The following PSAT1 variants were observed in gnomAD, a reference collection of about 807,000 sequenced individuals.
PSAT1 encodes the protein phosphoserine aminotransferase.
PSAT1 carries 41 observed loss-of-function variants against 40.3 expected under a neutral mutation model. The ratio of observed to expected loss-of-function variants is 1.02; its 90% CI spans 0.79 to 1.32. The LOEUF (loss-of-function observed/expected upper bound fraction) is 1.32, where lower values mean the gene tolerates loss of function less well. Ranked by LOEUF, PSAT1 falls within the 40% of genes most tolerant of loss-of-function variation. PSAT1 has a pLI of 0.00. For missense variants in PSAT1, 406 were observed against 455.8 expected, an observed-to-expected ratio of 0.89 and a Z score of 0.99; for synonymous variants, 147 against 170.5, an observed-to-expected ratio of 0.86 and a Z score of 1.07.
In PSAT1 at chr9:78,328,973, C is replaced by A; in HGVS notation, c.1008-8C>A. ...TGTTCTCAATGCCTGGATCTTTGGT[C>A]ATTCTAGGTCTGTGGGAGGCATCCG... On this transcript the variant is annotated splice_polypyrimidine_tract_variant and splice_region_variant and intron_variant, in intron 8 of 8. Coordinates refer to ENST00000376588, the MANE Select transcript of PSAT1 (RefSeq NM_058179.4). 1.2e-6 allele frequency: 2 copies of A among 1,608,098 alleles called. No individual in the cohort carries two copies. Among genetic ancestry groups the A allele is most frequent in the South Asian group, 1.1e-5 (1 of 90,902 alleles).
chr9:78,298,332 T>C (rs1828057765), intron 1 of PSAT1: 71 of 984,688 alleles, frequency 7.2e-5, no homozygotes, highest in Non-Finnish European at 8.3e-5. Context: ...TAGCCAAGTA[T>C]TTTACAATTA....
At chr9:78,311,358 C>T (rs1028736566) in intron 6 of PSAT1, among the ~76,000 whole-genome samples, 2 of 152,016 alleles carry the variant, frequency 1.3e-5, no homozygotes, top group African/African-American at 4.8e-5. Flanking sequence ...TCAGAGGAGC[C>T]CAAGACCATC....
intron 3 of PSAT1, among the ~76,000 whole-genome samples, chr9:78,302,315 G>A (rs1043223206): frequency 2.0e-5 from 3 of 152,162 alleles, no homozygotes; most frequent in Admixed American, 2.0e-4. Context: ...TGAAAGAGAT[G>A]TAAATGACAC....
chr9:78,317,545 T>C, intron 6 of PSAT1, 131 bp from the exon 7 acceptor site: 2 of 1,148,824 alleles, frequency 1.7e-6, no homozygotes, highest in Non-Finnish European at 2.6e-6. Context: ...GCCACTGCAT[T>C]TGACTATCTT....
At chr9:78,308,605 G>A in intron 6 of PSAT1, 22 bp downstream of exon 6, 2 of 1,613,334 alleles carry the variant, frequency 1.2e-6, no homozygotes, top group East Asian at 2.2e-5. Flanking sequence ...AGTCAGTCTT[G>A]TGGACCCAGG....
chr9:78,300,498 C>T, intron 1 of PSAT1, 104 bp from the exon 2 acceptor site: 1 of 1,406,824 alleles, frequency 7.1e-7, no homozygotes, highest in East Asian at 2.7e-5. Context: ...GCCTGGGGAC[C>T]TCACTGTAGA....
intron 6 of PSAT1, among the ~76,000 whole-genome samples, chr9:78,316,892 G>T (rs1433669721): frequency 6.6e-6 from 1 of 152,156 alleles, no homozygotes; most frequent in Non-Finnish European, 1.5e-5. Context: ...AGCCTTCCAA[G>T]ACCACAGAGG....
chr9:78,298,795 T>C (rs1828063988), intron 1 of PSAT1, among the ~76,000 whole-genome samples: 1 of 152,150 alleles, frequency 6.6e-6, no homozygotes, highest in African/African-American at 2.4e-5. Flanking sequence ...ATTGTAAATA[T>C]TAGAGAAGCT....
At chr9:78,320,214 C>T (rs887633661) in intron 7 of PSAT1, among the ~76,000 whole-genome samples, 93 of 151,700 alleles carry the variant, frequency 6.1e-4, no homozygotes, top group Non-Finnish European at 6.8e-4. Context: ...TCTATCCACC[C>T]GCCCATTCAT....
At chr9:78,300,077 C>T (rs2118621491) in intron 1 of PSAT1, among the ~76,000 whole-genome samples, 1 of 152,304 alleles carries the variant, frequency 6.6e-6, no homozygotes, top group African/African-American at 2.4e-5. Flanking sequence ...GGACCCATCT[C>T]TGAGACTCAA....
At position 78,329,135 on chromosome 9, in the gene PSAT1, T is replaced by C. The variant is rs751156869; in HGVS notation, c.*49T>C. ...CTGTTCTTGAACAACATACAAAGTT[T>C]AAAGTAACTTGGGGATGGCTACAAA... On this transcript the variant is annotated 3_prime_UTR_variant, in exon 9 of 9. Coordinates refer to ENST00000376588, the MANE Select transcript of PSAT1 (RefSeq NM_058179.4). 1 of 1,343,290 alleles carries C rather than the reference T, an allele frequency of 7.4e-7. No homozygotes were observed. Among genetic ancestry groups the C allele is most frequent in the East Asian group, 2.3e-5 (1 of 43,570 alleles). The allele number at this position is 1,343,290 out of a possible 1,614,324, so 83.2% of individuals were successfully genotyped here.
chr9:78,310,495 G>T (rs1448498895), intron 6 of PSAT1, among the ~76,000 whole-genome samples: 1 of 152,166 alleles, frequency 6.6e-6, no homozygotes. Flanking sequence ...GTAGGAAAGA[G>T]GGGGCTCAGG....
At position 78,317,735 on chromosome 9, in the gene PSAT1, T is replaced by C; in HGVS notation, c.800T>C (p.Met267Thr). ...WIKNNGGAAA[M>T]EKLSSIKSQT... ...AAAAACAATGGAGGTGCCGCGGCCA[T>C]GGAGAAGCTTAGCTCCATCAAATCT... is the stretch of plus-strand genomic sequence containing the variant. The change falls in exon 7 of 9, where the codon ATG (methionine) becomes ACG (threonine). Residue 267 changes from methionine to threonine, a missense_variant. By Grantham distance (81) the Met-to-Thr change is moderately conservative. Coordinates refer to ENST00000376588, the MANE Select transcript of PSAT1 (RefSeq NM_058179.4). 1.9e-6 allele frequency: 3 copies of C among 1,613,820 alleles called. No homozygotes were observed. Among genetic ancestry groups the C allele is most frequent in the Middle Eastern group, 1.7e-4 (1 of 5,994 alleles).
At position 78,300,642 on chromosome 9, in the gene PSAT1, G is replaced by A; in HGVS notation, c.101G>A (p.Gly34Glu). 6.2e-7 allele frequency: 1 copy of A among 1,607,342 alleles called. No individual in the cohort carries two copies. Among genetic ancestry groups the A allele is most frequent in the Non-Finnish European group, 8.5e-7 (1 of 1,177,572 alleles). The part of the protein sequence containing the change: ...EIQKELLDYK[G>E]VGISVLEMSH... ...CAAAAGGAATTATTAGACTACAAAG[G>A]AGTTGGCATTAGTGTTCTTGGTAAG... Residue 34 changes from glycine to glutamate, a missense_variant, in exon 2 of 9, where the codon GGA becomes GAA. Physicochemically the swap from Gly to Glu is moderately conservative, Grantham distance 98. Coordinates refer to ENST00000376588, the MANE Select transcript of PSAT1 (RefSeq NM_058179.4).
chr9:78,318,927 C>G (rs1362341113), intron 7 of PSAT1, among the ~76,000 whole-genome samples: 8 of 152,198 alleles, frequency 5.3e-5, no homozygotes, highest in Admixed American at 5.2e-4. Flanking sequence ...CAGGTGGTAT[C>G]TTCATTTGCT....
intron 7 of PSAT1, among the ~76,000 whole-genome samples, chr9:78,321,325 T>C (rs915132101): frequency 6.6e-6 from 1 of 152,220 alleles, no homozygotes; most frequent in African/African-American, 2.4e-5. Flanking sequence ...GAGGCTGTAC[T>C]CTGTCTCTCC....
intron 4 of PSAT1, among the ~76,000 whole-genome samples, chr9:78,306,012 C>A (rs568473326): frequency 6.6e-6 from 1 of 152,332 alleles, no homozygotes; most frequent in East Asian, 1.9e-4. Context: ...ATCCTCCCAC[C>A]TTAGCCTCCT....
rs1406331941 is a variant in PSAT1 at position 78,329,223 on chromosome 9, A to T, written c.*137A>T. 8.6e-6 allele frequency: 6 copies of T among 701,402 alleles called. No individual in the cohort carries two copies. Among genetic ancestry groups the T allele is most frequent in the Non-Finnish European group, 1.3e-5 (5 of 394,614 alleles). 43.4% of individuals were successfully genotyped at this position (701,402 alleles called of 1,614,324 possible). ...TTGCAGATTCTTCTTTTTTGAAAGA[A>T]CAACAGCAAAACATCCACAACTCTG... On this transcript the variant is annotated 3_prime_UTR_variant, in exon 9 of 9. Coordinates refer to ENST00000376588, the MANE Select transcript of PSAT1 (RefSeq NM_058179.4).
chr9:78,324,042 C>T lies in PSAT1; in HGVS notation c.870-4009C>T, dbSNP rs538142221. Among the ~76,000 whole-genome samples the T allele has an allele frequency of 6.6e-5, 10 of 152,248 alleles. No homozygotes were observed. The South Asian group carries it at 2.1e-3, about 32-fold the overall frequency. ...ATGGGTGTCCCTGGCTGAAGGTGTA[C>T]CTCTGCCATGTTCCCCTCCTCCAGT... On this transcript the variant is annotated intron_variant, in intron 7 of 8. Coordinates refer to ENST00000376588, the MANE Select transcript of PSAT1 (RefSeq NM_058179.4).
Sources: allele counts gnomAD v4.1 joint callset (sites outside exome capture counted in the v4.1 genomes callset), GRCh38; gene constraint gnomAD v4.1.1; transcripts MANE v1.5; gene names NCBI Gene and HGNC (gene_info 2026-07-23, HGNC 2026-07-21).